CDYL2: variants seen among roughly 807,000 people sequenced by gnomAD.
CDYL2 encodes the protein chromodomain Y-like protein 2.
A neutral mutation model predicts 49.4 loss-of-function variants in CDYL2; 23 were observed. That is an observed-to-expected ratio of 0.47 (90% CI 0.34 to 0.66). CDYL2 has a LOEUF of 0.66. CDYL2 is among the 30% of genes least tolerant of loss of function. The pLI, the probability that CDYL2 is intolerant of heterozygous loss-of-function variation, is 0.01. For synonymous variants in CDYL2, 360 were observed against 268.8 expected (o/e 1.34, Z -3.32); for missense variants, 678 against 656.4 (o/e 1.03, Z -0.36).
rs1906141495 is a variant in CDYL2 at position 80,602,639 on chromosome 16, C to G, written c.*1749G>C. 6.6e-6 allele frequency: 1 copy of G among 152,200 alleles called. No homozygotes were observed. Among genetic ancestry groups the G allele is most frequent in the African/African-American group, 2.4e-5 (1 of 41,422 alleles). 9.4% of individuals were successfully genotyped at this position (152,200 alleles called of 1,614,324 possible). On this transcript the variant is annotated 3_prime_UTR_variant, in exon 7 of 7. Coordinates refer to ENST00000570137, the MANE Select transcript of CDYL2 (RefSeq NM_152342.4). ...TGTCACCAGAACTCTCTCTTCTAAG[C>G]CTGCCTCACCTCCATAAGCTGTGCC...
At position 80,742,895 on chromosome 16, in the gene CDYL2, A is replaced by C. The variant is rs573361102; in HGVS notation, c.25-57766T>G. The stretch of plus-strand genomic sequence containing the variant: ...TGGGTAGATGGGTGAAGGATGGAAA[A>C]AGAATGGATGGATGGATGGATGGAT... On this transcript the variant is annotated intron_variant, in intron 1 of 6. Transcript: ENST00000570137. Among the ~76,000 whole-genome samples, 39 of 151,180 alleles carry C rather than the reference A, an allele frequency of 2.6e-4. No homozygotes were observed. The South Asian group carries it at 8.2e-3, about 32-fold the overall frequency.
rs150306769 is a variant in CDYL2 at position 80,737,946 on chromosome 16, G to A, written c.25-52817C>T. Among the ~76,000 whole-genome samples the A allele has an allele frequency of 1.1e-4, 17 of 152,220 alleles. No individual in the cohort carries two copies. The East Asian group carries it at 2.3e-3, about 21-fold the overall frequency. Reference sequence around the variant, plus strand: ...AGGTTTGTTACATAGGTATACATGTGCCATGGTGGTTTGCTGCACCCATCA... The same window carrying A: ...AGGTTTGTTACATAGGTATACATGTACCATGGTGGTTTGCTGCACCCATCA... On this transcript the variant is annotated intron_variant, in intron 1 of 6. Coordinates refer to ENST00000570137, the MANE Select transcript of CDYL2 (RefSeq NM_152342.4).
chr16:80,753,614 A>G (rs1906211646), intron 1 of CDYL2, among the ~76,000 whole-genome samples: 1 of 151,760 alleles, frequency 6.6e-6, no homozygotes, highest in South Asian at 2.1e-4. Flanking sequence ...ATCTCAAAAA[A>G]AGAAAAAAAA....
At chr16:80,636,632 G>T (rs1907839353) in intron 2 of CDYL2, among the ~76,000 whole-genome samples, 1 of 152,132 alleles carries the variant, frequency 6.6e-6, no homozygotes, top group Non-Finnish European at 1.5e-5. Context: ...CAACCATTGT[G>T]GAAGACAGTG....
At chr16:80,791,674 A>G (rs369252700) in intron 1 of CDYL2, among the ~76,000 whole-genome samples, 1 of 152,186 alleles carries the variant, frequency 6.6e-6, no homozygotes, top group Admixed American at 6.5e-5. Context: ...TTGGAAGGAT[A>G]TGATTAAAGG....
chr16:80,648,691 TA>T (rs201239838), intron 2 of CDYL2, among the ~76,000 whole-genome samples: 1,333 of 132,112 alleles, frequency 0.01, 19 homozygotes, highest in East Asian at 0.042. Context: ...AGAAAAAAAA[TA>T]AAAAAAAAAA....
intron 1 of CDYL2, among the ~76,000 whole-genome samples, chr16:80,739,709 C>G (rs1905668405): frequency 6.6e-6 from 1 of 152,174 alleles, no homozygotes; most frequent in Non-Finnish European, 1.5e-5. Flanking sequence ...GCTCAGAGCT[C>G]AGGTGTGGGA....
At chr16:80,801,844 G>A (rs1336067148) in intron 1 of CDYL2, among the ~76,000 whole-genome samples, 1 of 152,002 alleles carries the variant, frequency 6.6e-6, no homozygotes, top group Non-Finnish European at 1.5e-5. Flanking sequence ...AGCTAAATTT[G>A]AACAATAAAT....
intron 1 of CDYL2, among the ~76,000 whole-genome samples, chr16:80,732,093 C>T (rs1377925966): frequency 6.6e-6 from 1 of 152,128 alleles, no homozygotes; most frequent in Non-Finnish European, 1.5e-5. Flanking sequence ...AATAGACAGT[C>T]ATAATGCAAA....
rs765690008 is a variant in CDYL2, at chr16:80,608,238, G to A, written c.1219-3C>T. The A allele has an allele frequency of 3.8e-6, 6 of 1,563,698 alleles. No individual in the cohort carries two copies. The highest frequency in any genetic ancestry group is 5.2e-6 in the Non-Finnish European group (6 of 1,153,006). On this transcript the variant is annotated splice_polypyrimidine_tract_variant and splice_region_variant and intron_variant, in intron 5 of 6. Transcript: ENST00000570137. The stretch of plus-strand genomic sequence containing the variant: ...CCACAGAACAGCATCTCATTGGCCT[G>A]AAAAAGCAAAAGCAGGCAAAGACTG...
At chr16:80,750,982 T>C (rs1371960336) in intron 1 of CDYL2, among the ~76,000 whole-genome samples, 2 of 151,910 alleles carry the variant, frequency 1.3e-5, no homozygotes, top group Non-Finnish European at 2.9e-5. Context: ...ATCGCACCAC[T>C]GCACTCCAGC....
chr16:80,735,443 T>C (rs545071345), intron 1 of CDYL2, among the ~76,000 whole-genome samples: 20 of 152,304 alleles, frequency 1.3e-4, no homozygotes, highest in Admixed American at 4.6e-4. Context: ...AACCACGACA[T>C]TGTCAAAAAT....
intron 1 of CDYL2, among the ~76,000 whole-genome samples, chr16:80,745,426 C>T (rs189456224): frequency 6.6e-6 from 1 of 152,278 alleles, no homozygotes; most frequent in East Asian, 1.9e-4. Context: ...CAAGAGTGCC[C>T]GCAGTACATA....
chr16:80,700,739 T>C (rs182795459), intron 1 of CDYL2, among the ~76,000 whole-genome samples: 129 of 152,368 alleles, frequency 8.5e-4, no homozygotes, highest in Middle Eastern at 3.4e-3. Context: ...TTAACAGATA[T>C]CTATGCAAAT....
chr16:80,671,352 G>C (rs572652730), intron 2 of CDYL2, among the ~76,000 whole-genome samples: 3 of 152,278 alleles, frequency 2.0e-5, no homozygotes, highest in African/African-American at 7.2e-5. Flanking sequence ...CAAAAATTTA[G>C]GACCAGTCCT....
At chr16:80,642,161 C>A (rs2316153) in intron 2 of CDYL2, among the ~76,000 whole-genome samples, 6 of 151,938 alleles carry the variant, frequency 3.9e-5, no homozygotes, top group African/African-American at 1.5e-4. Context: ...ATTTATTAGT[C>A]GCCGGGTGTG....
chr16:80,614,507 A>C (rs1307226200), intron 4 of CDYL2, among the ~76,000 whole-genome samples: 2 of 152,238 alleles, frequency 1.3e-5, no homozygotes, highest in Admixed American at 6.5e-5. Flanking sequence ...TTTTAGGTTC[A>C]TGTATGTGAG....
chr16:80,784,668 T>A (rs1333989803), intron 1 of CDYL2, among the ~76,000 whole-genome samples: 3 of 152,202 alleles, frequency 2.0e-5, no homozygotes, highest in Non-Finnish European at 2.9e-5. Flanking sequence ...TTGAAAGACC[T>A]CCACAAACAC....
At chr16:80,782,990 C>G (rs187977244) in intron 1 of CDYL2, among the ~76,000 whole-genome samples, 3 of 152,042 alleles carry the variant, frequency 2.0e-5, no homozygotes, top group Admixed American at 6.6e-5. Context: ...ACTGGAAGTT[C>G]TGCCTTAAAC....
Sources: gnomAD v4.1 joint callset for allele counts (sites outside exome capture counted in the v4.1 genomes callset) on GRCh38, gnomAD v4.1.1 for gene constraint, MANE v1.5 for transcripts, NCBI Gene and HGNC (gene_info 2026-07-23, HGNC 2026-07-21) for gene names.